The following CA10 variants were observed in gnomAD, a reference collection of about 807,000 sequenced individuals.
CA10 encodes the protein carbonic anhydrase-related protein 10.
CA10 carries 14 observed loss-of-function variants against 44.2 expected under a neutral mutation model. The observed-to-expected ratio is 0.32, with a 90% CI of 0.21 to 0.50. CA10 has a LOEUF of 0.50. Among genes scored for constraint, CA10 ranks in the 20% least tolerant of loss-of-function variants. The probability of loss-of-function intolerance (pLI) is 0.99; values close to 1 mark genes in which losing one functional copy is unlikely to be tolerated. For synonymous variants in CA10, 159 were observed against 141.6 expected, an observed-to-expected ratio of 1.12 and a Z score of -0.87; for missense variants, 350 against 409.7, an observed-to-expected ratio of 0.85 and a Z score of 1.26.
At chr17:52,008,810 T>C (rs1985689448) in intron 2 of CA10, among the ~76,000 whole-genome samples, 1 of 151,902 alleles carries the variant, frequency 6.6e-6, no homozygotes, top group African/African-American at 2.4e-5. Context: ...TTGAATACCT[T>C]TCCCTCTTTC....
chr17:52,018,325 C>G (rs996959076), intron 2 of CA10, among the ~76,000 whole-genome samples: 1 of 152,126 alleles, frequency 6.6e-6, no homozygotes, highest in Admixed American at 6.6e-5. Flanking sequence ...AGGCAATAGA[C>G]TCCAACCTGT....
In CA10 at chr17:51,677,620, A is replaced by T. The variant is rs551052223; in HGVS notation, c.466-23884T>A. Among the ~76,000 whole-genome samples the T allele has an allele frequency of 5.9e-5, 9 of 152,152 alleles. No individual in the cohort carries two copies. In the South Asian group the frequency reaches 1.7e-3, roughly 28 times the overall value. ...CTGTTATTAATCATTGCTGATAATT[A>T]AAAAAAACCAAATATGTACATAAAA... On this transcript the variant is annotated intron_variant, in intron 4 of 8. Transcript: ENST00000451037.
intron 3 of CA10, among the ~76,000 whole-genome samples, chr17:51,774,699 C>A (rs1345955063): frequency 6.6e-6 from 1 of 152,116 alleles, no homozygotes; most frequent in Non-Finnish European, 1.5e-5. Flanking sequence ...CTGCCTTGGC[C>A]TCCTGAAGTA....
intron 6 of CA10, among the ~76,000 whole-genome samples, chr17:51,648,170 C>T (rs1913414530): frequency 6.6e-6 from 1 of 152,196 alleles, no homozygotes. Flanking sequence ...GAGCTGTACA[C>T]ATTCATTTTT....
At chr17:51,641,165 TCC>T (rs368377793) in intron 6 of CA10, among the ~76,000 whole-genome samples, 98,293 of 147,178 alleles carry the variant, frequency 0.67, 33,133 homozygotes, top group South Asian at 0.76. Flanking sequence ...TCTCTCTCTC[TCC>T]TCTCTCTCTC....
intron 4 of CA10, among the ~76,000 whole-genome samples, chr17:51,704,587 A>G (rs1234035087): frequency 1.3e-5 from 2 of 152,240 alleles, no homozygotes; most frequent in African/African-American, 4.8e-5. Flanking sequence ...AGACAGTGCA[A>G]TAATCTAGTC....
chr17:51,903,716 A>G (rs564934788), intron 3 of CA10, among the ~76,000 whole-genome samples: 8 of 152,184 alleles, frequency 5.3e-5, no homozygotes, highest in Non-Finnish European at 1.0e-4. Flanking sequence ...AAACTTAATT[A>G]GCCAACACTT....
intron 2 of CA10, among the ~76,000 whole-genome samples, chr17:51,935,792 C>T (rs569231376): frequency 9.2e-5 from 14 of 152,258 alleles, no homozygotes; most frequent in East Asian, 7.7e-4. Context: ...AATAAAAAAG[C>T]TCCAGCTGTT....
intron 4 of CA10, among the ~76,000 whole-genome samples, chr17:51,740,285 A>T (rs1338831719): frequency 6.6e-6 from 1 of 152,140 alleles, no homozygotes; most frequent in Non-Finnish European, 1.5e-5. Context: ...GAAAGACAGG[A>T]TCCTCTACTA....
chr17:51,822,681 T>A (rs1476600672), intron 3 of CA10, among the ~76,000 whole-genome samples: 1 of 152,182 alleles, frequency 6.6e-6, no homozygotes, highest in Non-Finnish European at 1.5e-5. Flanking sequence ...GTAGGAAGAA[T>A]GTGTAGCATG....
At chr17:51,808,731 A>G (rs1408405896) in intron 3 of CA10, among the ~76,000 whole-genome samples, 6 of 152,228 alleles carry the variant, frequency 3.9e-5, no homozygotes, top group Non-Finnish European at 7.3e-5. Flanking sequence ...AAAATTGTCC[A>G]TATAGCATGT....
intron 3 of CA10, among the ~76,000 whole-genome samples, chr17:51,897,790 A>G (rs1172865924): frequency 2.0e-5 from 3 of 152,112 alleles, no homozygotes; most frequent in Admixed American, 2.0e-4. Flanking sequence ...CTCCCTGGTT[A>G]GCTGTATTCC....
chr17:51,649,112 G>T, intron 6 of CA10, 70 bp downstream of exon 6: 1 of 1,104,290 alleles, frequency 9.1e-7, no homozygotes, highest in Non-Finnish European at 1.4e-6. Context: ...CATCAGTTCT[G>T]GCTTCCCGCC....
At chr17:51,643,334 T>A (rs1913177270) in intron 6 of CA10, among the ~76,000 whole-genome samples, 1 of 152,160 alleles carries the variant, frequency 6.6e-6, no homozygotes, top group Non-Finnish European at 1.5e-5. Flanking sequence ...CGTTAAAAAA[T>A]TAAAATACTT....
intron 1 of CA10, among the ~76,000 whole-genome samples, chr17:52,150,380 C>T (rs181610505): frequency 5.9e-4 from 90 of 152,148 alleles, no homozygotes; most frequent in African/African-American, 1.8e-3. Flanking sequence ...CTGTGACTAC[C>T]AATATTTTAA....
chr17:51,707,835 C>A (rs1355430028), intron 4 of CA10, among the ~76,000 whole-genome samples: 1 of 152,110 alleles, frequency 6.6e-6, no homozygotes, highest in Non-Finnish European at 1.5e-5. Context: ...CTGGAGGCAG[C>A]TCTGAGTAAG....
In CA10 at chr17:51,846,823, C is replaced by T. The variant is rs182173002; in HGVS notation, c.279+84167G>A. 1.2e-4 allele frequency among the ~76,000 whole-genome samples: 18 copies of T among 152,290 alleles called. No individual in the cohort carries two copies. The East Asian group carries it at 3.1e-3, about 26-fold the overall frequency. The stretch of plus-strand genomic sequence containing the variant: ...TGGGTAGATATGTTTTAGAAAAGTA[C>T]ATGATGGGAGGCAGGCTCAGCTGTT... On this transcript the variant is annotated intron_variant, in intron 3 of 8. Transcript: ENST00000451037.
At chr17:51,747,557 TC>T (rs1904735192) in intron 4 of CA10, 75 bp downstream of exon 4, 1 of 1,184,684 alleles carries the variant, frequency 8.4e-7, no homozygotes, top group Non-Finnish European at 1.2e-6. Flanking sequence ...TGTTATGTTA[TC>T]CCATCTTGGA....
chr17:51,866,212 G>A, intron 3 of CA10, among the ~76,000 whole-genome samples: 1 of 152,178 alleles, frequency 6.6e-6, no homozygotes, highest in Non-Finnish European at 1.5e-5. Flanking sequence ...CCATGTCTGA[G>A]CCAACAATGC....
Sources: gnomAD v4.1 joint callset for allele counts (sites outside exome capture counted in the v4.1 genomes callset) on GRCh38, gnomAD v4.1.1 for gene constraint, MANE v1.5 for transcripts, NCBI Gene and HGNC (gene_info 2026-07-23, HGNC 2026-07-21) for gene names.